Variants in SORCS2 observed in about 807,000 individuals in gnomAD.
SORCS2 encodes the protein VPS10 domain-containing receptor SorCS2.
In SORCS2, 100 loss-of-function variants were observed where a neutral mutation model predicts 141.6. The observed-to-expected ratio is 0.71, with a 90% CI of 0.60 to 0.83. SORCS2 has a LOEUF of 0.83. Ranked by LOEUF, SORCS2 falls within the 40% of genes least tolerant of loss-of-function variation. The probability of loss-of-function intolerance (pLI) is 0.00; values close to 1 mark genes in which losing one functional copy is unlikely to be tolerated. For synonymous variants in SORCS2, 789 were observed against 676.9 expected (o/e 1.17, Z -2.57); for missense variants, 1,646 against 1,560.2 (o/e 1.05, Z -0.93).
intron 1 of SORCS2, among the ~76,000 whole-genome samples, chr4:7,223,447 T>G (rs985189252): frequency 6.6e-6 from 1 of 152,220 alleles, no homozygotes; most frequent in Non-Finnish European, 1.5e-5. Flanking sequence ...TGTATCACTG[T>G]GTCCTTGGAA....
At chr4:7,328,709 C>T (rs993443585) in intron 1 of SORCS2, among the ~76,000 whole-genome samples, 2 of 152,162 alleles carry the variant, frequency 1.3e-5, no homozygotes, top group South Asian at 2.1e-4. Context: ...ACAGATGCTT[C>T]CCTGCTCCTC....
chr4:7,473,578 G>A (rs895738360), intron 2 of SORCS2, among the ~76,000 whole-genome samples: 1 of 152,178 alleles, frequency 6.6e-6, no homozygotes, highest in African/African-American at 2.4e-5. Context: ...TCCTGGTGTG[G>A]GGGTGAGACT....
chr4:7,489,147 G>C (rs866414962), intron 2 of SORCS2, among the ~76,000 whole-genome samples: 2 of 152,156 alleles, frequency 1.3e-5, no homozygotes, highest in Non-Finnish European at 2.9e-5. Flanking sequence ...TCCGTGCAAC[G>C]CTGGAGCCAA....
intron 2 of SORCS2, among the ~76,000 whole-genome samples, chr4:7,496,282 A>T (rs1731610192): frequency 6.6e-6 from 1 of 151,254 alleles, no homozygotes; most frequent in Non-Finnish European, 1.5e-5. Flanking sequence ...AAGGAGCTAG[A>T]AGCCTGGAGA....
At chr4:7,667,027 T>A (rs1341051072) in intron 7 of SORCS2, 97 bp from the exon 8 acceptor site, 4 of 1,117,314 alleles carry the variant, frequency 3.6e-6, no homozygotes, top group African/African-American at 1.5e-5. Context: ...AAAAGGGCAT[T>A]TTCACTTGCT....
chr4:7,209,314 T>C (rs977449800), intron 1 of SORCS2, among the ~76,000 whole-genome samples: 2 of 152,198 alleles, frequency 1.3e-5, no homozygotes, highest in Admixed American at 1.3e-4. Context: ...CTTGCTTGTC[T>C]TCATATCTTT....
intron 3 of SORCS2, among the ~76,000 whole-genome samples, chr4:7,571,802 A>T (rs1185179723): frequency 6.6e-5 from 10 of 152,226 alleles, no homozygotes; most frequent in African/African-American, 2.2e-4. Flanking sequence ...AATCATGGTG[A>T]TTATCATCAG....
intron 16 of SORCS2, 66 bp downstream of exon 16, chr4:7,714,439 C>T (rs1726052402): frequency 1.3e-6 from 2 of 1,507,924 alleles, no homozygotes; most frequent in South Asian, 2.4e-5. Context: ...GCATGGCGGC[C>T]ACTTCCCTCA....
chr4:7,470,171 TCCATCCTC>T (rs1359857731), intron 2 of SORCS2, among the ~76,000 whole-genome samples: 1 of 151,366 alleles, frequency 6.6e-6, no homozygotes, highest in African/African-American at 2.5e-5. Context: ...CAGTCATCCA[TCCATCCTC>T]CCATCCTCCC....
At chr4:7,240,509 C>A (rs957928434) in intron 1 of SORCS2, among the ~76,000 whole-genome samples, 1 of 152,156 alleles carries the variant, frequency 6.6e-6, no homozygotes, top group Admixed American at 6.5e-5. Context: ...TCCTCTGATT[C>A]TGCCGAACGT....
chr4:7,492,068 C>T (rs1324224355), intron 2 of SORCS2, among the ~76,000 whole-genome samples: 11 of 152,202 alleles, frequency 7.2e-5, no homozygotes, highest in East Asian at 1.9e-4. Flanking sequence ...CCTCCAGTTT[C>T]ACCCCAGGCT....
At chr4:7,356,653 A>G (rs1466046763) in intron 1 of SORCS2, among the ~76,000 whole-genome samples, 1 of 152,166 alleles carries the variant, frequency 6.6e-6, no homozygotes, top group Non-Finnish European at 1.5e-5. Flanking sequence ...GGATTTCAAC[A>G]TGTGGATTTG....
rs111386785 is a variant in SORCS2 at position 7,337,863 on chromosome 4, C to G, written c.481-58425C>G. On this transcript the variant is annotated intron_variant, in intron 1 of 26. Transcript: ENST00000507866. ...AGCTCCTGAGAGCTTCCAGAGCAAG[C>G]CTGCCACCCACACATGCTCCCACAT... Among the ~76,000 whole-genome samples the G allele has an allele frequency of 2.5e-3, 381 of 152,318 alleles. 3 individuals carry two copies. The highest frequency in any genetic ancestry group is 8.8e-3 in the African/African-American group (366 of 41,560).
intron 2 of SORCS2, among the ~76,000 whole-genome samples, chr4:7,441,003 G>T (rs1162072774): frequency 1.3e-5 from 2 of 152,188 alleles, no homozygotes; most frequent in African/African-American, 2.4e-5. Context: ...GAGACCGTGG[G>T]GGAAGGTGGA....
At position 7,654,141 on chromosome 4, in the gene SORCS2, T is replaced by C; in HGVS notation, c.821T>C (p.Val274Ala). 1 of 1,578,178 alleles carries C rather than the reference T, an allele frequency of 6.3e-7. No individual in the cohort carries two copies. Among genetic ancestry groups the C allele is most frequent in the Non-Finnish European group, 8.6e-7 (1 of 1,160,462 alleles). ...LAYTKESKLY[V>A]SSDLGKKWTL... ...CTTTTTTCTGCCCTAAAGCTCTACG[T>C]GTCATCTGACTTGGGGAAAAAGTGG... The change falls in exon 5 of 27, where the codon GTG (valine) becomes GCG (alanine). Residue 274 changes from valine (V) to alanine (A), a missense_variant. Coordinates refer to ENST00000507866, the MANE Select transcript of SORCS2 (RefSeq NM_020777.3).
chr4:7,394,344 C>A (rs1724064342), intron 1 of SORCS2, among the ~76,000 whole-genome samples: 1 of 151,608 alleles, frequency 6.6e-6, no homozygotes, highest in Non-Finnish European at 1.5e-5. Flanking sequence ...ACAGTTTATC[C>A]CTCAGCAGTA....
intron 2 of SORCS2, among the ~76,000 whole-genome samples, chr4:7,495,660 G>C (rs535307163): frequency 6.6e-6 from 1 of 152,224 alleles, no homozygotes; most frequent in African/African-American, 2.4e-5. Flanking sequence ...ATGGACGTCA[G>C]TCACCTCATT....
chr4:7,368,085 C>T (rs1457588201), intron 1 of SORCS2, among the ~76,000 whole-genome samples: 1 of 152,228 alleles, frequency 6.6e-6, no homozygotes, highest in Non-Finnish European at 1.5e-5. Flanking sequence ...CACCCTCACT[C>T]CACCCACCCC....
At chr4:7,433,151 G>T in intron 2 of SORCS2, 1 of 686,138 alleles carries the variant, frequency 1.5e-6, no homozygotes. Flanking sequence ...CCGTTGTTAA[G>T]AGAGAGGCTT....
Sources: allele counts gnomAD v4.1 joint callset (sites outside exome capture counted in the v4.1 genomes callset), GRCh38; gene constraint gnomAD v4.1.1; transcripts MANE v1.5; gene names NCBI Gene and HGNC (gene_info 2026-07-23, HGNC 2026-07-21).